The following PARVB variants were observed in gnomAD, a reference collection of about 807,000 sequenced individuals.
PARVB encodes the protein parvin beta.
A neutral mutation model predicts 47.0 loss-of-function variants in PARVB; 46 were observed. The ratio of observed to expected loss-of-function variants is 0.98; its 90% CI spans 0.77 to 1.25. PARVB has a LOEUF of 1.25. Ranked by LOEUF, PARVB falls within the 50% of genes most tolerant of loss-of-function variation. The pLI is 0.00. For missense variants in PARVB, 473 were observed against 471.6 expected (o/e 1.00, Z -0.03); for synonymous variants, 196 against 196.3 (o/e 1.00, Z 0.01).
In PARVB at chr22:44,171,060, C is replaced by T. The variant is rs868686671; in HGVS notation, c.*2382C>T. 6.6e-6 allele frequency: 1 copy of T among 152,280 alleles called. No individual in the cohort carries two copies. The highest frequency in any genetic ancestry group is 1.9e-4 in the East Asian group (1 of 5,196). 9.4% of individuals were successfully genotyped at this position (152,280 alleles called of 1,614,324 possible). ...TTCAAAAGCCACACTGACAAAAAGCCTGGGGCTGGAACGTTCTGTGCTGCC... is the reference window on the plus strand; with the variant it reads ...TTCAAAAGCCACACTGACAAAAAGCTTGGGGCTGGAACGTTCTGTGCTGCC... On this transcript the variant is annotated 3_prime_UTR_variant, in exon 13 of 13. Transcript: ENST00000338758.
intron 2 of PARVB, among the ~76,000 whole-genome samples, chr22:44,096,440 A>G (rs1327003674): frequency 1.3e-5 from 2 of 152,202 alleles, no homozygotes; most frequent in Non-Finnish European, 2.9e-5. Flanking sequence ...ATATTTGCAC[A>G]GCACCTGATT....
upstream of PARVB, among the ~76,000 whole-genome samples, chr22:44,022,730 CTTTTT>C (rs1016792971): frequency 6.8e-6 from 1 of 146,630 alleles, no homozygotes; most frequent in Non-Finnish European, 1.5e-5. Flanking sequence ...CCTCCTACTT[CTTTTT>C]TTTTATTTTT....
intron 1 of PARVB, among the ~76,000 whole-genome samples, chr22:44,046,464 G>C (rs2051113826): frequency 6.6e-6 from 1 of 152,244 alleles, no homozygotes; most frequent in South Asian, 2.1e-4. Flanking sequence ...GGCTTGGCCT[G>C]CAAGGTAGGA....
intron 1 of PARVB, among the ~76,000 whole-genome samples, chr22:44,044,931 G>A (rs868536813): frequency 6.6e-6 from 1 of 152,146 alleles, no homozygotes; most frequent in East Asian, 1.9e-4. Flanking sequence ...GCACACTGAC[G>A]TTTGCTACTC....
chr22:44,002,180 A>G (rs946642272), intron 2 of PARVB, among the ~76,000 whole-genome samples: 1 of 152,224 alleles, frequency 6.6e-6, no homozygotes, highest in Non-Finnish European at 1.5e-5. Flanking sequence ...TATTATAAAT[A>G]TAGTTTTAAC....
At position 44,049,119 on chromosome 22, in the gene PARVB, C is replaced by A. The variant is rs2051163916; in HGVS notation, c.112+24668C>A. On this transcript the variant is annotated intron_variant, in intron 1 of 12. Transcript: ENST00000338758. This position sits in a 1 kb window ranked among gnomAD's most constrained non-coding sequence, Gnocchi z 4.0. ...GTGCCCTCTGTCCTGTGCCACTTCC[C>A]CTGCAAAATGAGATGAAAATGAGTC... 6.6e-6 allele frequency among the ~76,000 whole-genome samples: 1 copy of A among 152,098 alleles called. No individual in the cohort carries two copies. The highest frequency in any genetic ancestry group is 6.5e-5 in the Admixed American group (1 of 15,272).
At chr22:44,122,488 A>AAGAGAGAGAGAGAGAGAGAGAG (rs766162295) in intron 4 of PARVB, among the ~76,000 whole-genome samples, 4 of 76,672 alleles carry the variant, frequency 5.2e-5, no homozygotes, top group Non-Finnish European at 1.0e-4. Flanking sequence ...CCTGTCGATC[A>AAGAGAGAGAGAGAGAGAGAGAG]AGAGAGAGAG....
intron 2 of PARVB, among the ~76,000 whole-genome samples, chr22:44,097,341 T>C (rs1262320226): frequency 2.0e-5 from 3 of 152,294 alleles, no homozygotes; most frequent in East Asian, 3.9e-4. Flanking sequence ...ATGCCTGCAG[T>C]GACTCCGGGG....
At chr22:44,026,336 G>A (rs2050728194) in intron 1 of PARVB, 1 of 985,560 alleles carries the variant, frequency 1.0e-6, no homozygotes, top group East Asian at 1.1e-4. Flanking sequence ...GCAGGAGGAG[G>A]AGCAGGACGC....
intron 11 of PARVB, among the ~76,000 whole-genome samples, 195 bp downstream of exon 11, chr22:44,158,278 C>T (rs373861009): frequency 1.6e-3 from 246 of 152,334 alleles, no homozygotes; most frequent in African/African-American, 5.8e-3. Context: ...ACAACGCATC[C>T]GAGTTTTGTT....
At chr22:44,039,477 G>A (rs2050978744) in intron 1 of PARVB, among the ~76,000 whole-genome samples, 3 of 151,886 alleles carry the variant, frequency 2.0e-5, no homozygotes. Flanking sequence ...GGAGGTGGAG[G>A]TTGCAGTGGC....
At chr22:44,045,907 G>A (rs972584776) in intron 1 of PARVB, among the ~76,000 whole-genome samples, 1 of 152,096 alleles carries the variant, frequency 6.6e-6, no homozygotes, top group South Asian at 2.1e-4. Context: ...GGGATCCCTC[G>A]AGATTCCGTA....
At chr22:44,146,264 A>C (rs1256385419) in intron 8 of PARVB, 1 of 136,150 alleles carries the variant, frequency 7.3e-6, no homozygotes, top group Non-Finnish European at 1.5e-5. Flanking sequence ...ACACACGCTC[A>C]CAGCACACAC....
At chr22:44,092,265 C>T (rs1374317593) in intron 1 of PARVB, among the ~76,000 whole-genome samples, 2 of 151,726 alleles carry the variant, frequency 1.3e-5, no homozygotes, top group Non-Finnish European at 2.9e-5. Context: ...CGCACGCCAC[C>T]ACGCCCAGCT....
At chr22:44,163,261 A>C (rs920089201) in intron 11 of PARVB, among the ~76,000 whole-genome samples, 1 of 152,176 alleles carries the variant, frequency 6.6e-6, no homozygotes, top group Non-Finnish European at 1.5e-5. Context: ...TTTGAGCCCA[A>C]GAGTTAGAGA....
rs114841127 is a variant in PARVB at position 44,053,431 on chromosome 22, G to A, written c.112+28980G>A. 6.6e-3 allele frequency among the ~76,000 whole-genome samples: 1,011 copies of A among 152,236 alleles called. 12 individuals carry two copies. The highest frequency in any genetic ancestry group is 0.023 in the African/African-American group (964 of 41,534). On this transcript the variant is annotated intron_variant, in intron 1 of 12. Transcript: ENST00000338758. ...TCAGTGATGGGCATTTAAAGGATTC[G>A]GCTGCTGCTCCCTGTGGCTTTCACA...
intron 1 of PARVB, among the ~76,000 whole-genome samples, chr22:44,065,233 A>C (rs895998382): frequency 1.3e-5 from 2 of 152,024 alleles, no homozygotes; most frequent in Non-Finnish European, 2.9e-5. Context: ...GTGGTACCAT[A>C]GTGGTGCTGA....
Position 44,158,061 on chromosome 22 carries a change from C to T in PARVB, c.923C>T (p.Thr308Ile). 1 of 1,613,466 alleles carries T rather than the reference C, an allele frequency of 6.2e-7. No homozygotes were observed. ...YFVPLHHFYL[T>I]PESFDQKVHN... The stretch of plus-strand genomic sequence containing the variant: ...GTTCCTCTCCACCACTTCTACCTGA[C>T]TCCGGAAAGCTTCGATCAGAAGGTA... Residue 308 changes from threonine (T) to isoleucine (I), a missense_variant, in exon 11 of 13, where the codon ACT (threonine) becomes ATT (isoleucine). Physicochemically the swap from Thr to Ile is moderately conservative, Grantham distance 89. Transcript: ENST00000338758.
At chr22:44,126,961 C>T (rs1480805560) in intron 4 of PARVB, among the ~76,000 whole-genome samples, 1 of 152,150 alleles carries the variant, frequency 6.6e-6, no homozygotes, top group Non-Finnish European at 1.5e-5. Context: ...AGCAGAATTA[C>T]AGGGGCATCT....
Sources: gnomAD v4.1 joint callset for allele counts (sites outside exome capture counted in the v4.1 genomes callset) on GRCh38, gnomAD v4.1.1 for gene constraint, Gnocchi (gnomAD v3.1) non-coding constraint, MANE v1.5 for transcripts, NCBI Gene and HGNC (gene_info 2026-07-23, HGNC 2026-07-21) for gene names.